Variants in ADCY9 observed in about 807,000 individuals in gnomAD.
The protein encoded by ADCY9 is adenylate cyclase type 9.
Under a neutral mutation model 101.5 loss-of-function variants are expected in ADCY9, and 50 were observed. That is an observed-to-expected ratio of 0.49 (90% CI 0.39 to 0.62). The LOEUF is 0.62. ADCY9 is among the 20% of genes least tolerant of loss of function. The probability of loss-of-function intolerance (pLI) is 0.00; values close to 1 mark genes in which losing one functional copy is unlikely to be tolerated. For missense variants in ADCY9, 1,662 were observed against 1,800.4 expected (o/e 0.92, Z 1.39); for synonymous variants, 905 against 769.3 (o/e 1.18, Z -2.92).
chr16:4,042,292 C>G (rs1158076503), intron 2 of ADCY9, among the ~76,000 whole-genome samples: 2 of 152,010 alleles, frequency 1.3e-5, no homozygotes, highest in Non-Finnish European at 2.9e-5. Context: ...GTCTCAAACT[C>G]TTGGGCTTAA....
Position 3,966,171 on chromosome 16 carries a change from G to A in ADCY9, c.3666C>T (p.Asp1222=), listed in dbSNP as rs957965225. Residue 1222 remains aspartate, a synonymous_variant, in exon 11 of 11, where the codon GAC becomes GAT. Transcript: ENST00000294016. ...CATTCACGGTCCCTCTGTAGTCGAAGTCATAGCCCATCTTGCTCAAGACGC... is the reference window on the plus strand; with the variant it reads ...CATTCACGGTCCCTCTGTAGTCGAAATCATAGCCCATCTTGCTCAAGACGC... ...SYRVLSKMGY[D]FDYRGTVNVK... 3 of 1,614,238 alleles carry A rather than the reference G, an allele frequency of 1.9e-6. No homozygotes were observed. Among genetic ancestry groups the A allele is most frequent in the Non-Finnish European group, 2.5e-6 (3 of 1,180,048 alleles).
At chr16:4,005,423 C>A (rs1162040423) in intron 3 of ADCY9, among the ~76,000 whole-genome samples, 1 of 152,144 alleles carries the variant, frequency 6.6e-6, no homozygotes, top group Non-Finnish European at 1.5e-5. Flanking sequence ...GAGATGATGT[C>A]TTGCTACGAT....
Position 3,977,779 on chromosome 16 carries a change from C to A in ADCY9, c.2680-149G>T, listed in dbSNP as rs142560674. 2,333 of 1,001,782 alleles carry A rather than the reference C, an allele frequency of 2.3e-3. 32 individuals carry two copies. The African/African-American group carries it at 0.03, about 13-fold the overall frequency. 62.1% of individuals were successfully genotyped at this position (1,001,782 alleles called of 1,614,324 possible). A position where few individuals can be genotyped will look rare whatever the true frequency, so the allele number is the denominator to read the frequency against. On this transcript the variant is annotated intron_variant, in intron 8 of 10. Transcript: ENST00000294016. Reference sequence around the variant, plus strand: ...TCGCCCAGGCTGGAGTGCAGTGGTGCAATCTCAGCTCACTGCAACCTCTGC... The same window carrying A: ...TCGCCCAGGCTGGAGTGCAGTGGTGAAATCTCAGCTCACTGCAACCTCTGC...
intron 2 of ADCY9, among the ~76,000 whole-genome samples, chr16:4,047,918 T>A (rs2056676745): frequency 6.6e-6 from 1 of 152,188 alleles, no homozygotes; most frequent in African/African-American, 2.4e-5. Flanking sequence ...CTTACCCAGG[T>A]AGCCACGAAG....
Position 4,114,894 on chromosome 16 carries a change from C to A in ADCY9, c.549G>T (p.Val183=). Residue 183 remains valine (V), a synonymous_variant, in exon 2 of 11, where the codon GTG becomes GTT. Coordinates refer to ENST00000294016, the MANE Select transcript of ADCY9 (RefSeq NM_001116.4). This position sits in a 1 kb window ranked among gnomAD's most constrained non-coding sequence, Gnocchi z 4.3. ...AWTSLALTLL[V]FALTLAAQFQ... is the part of the protein sequence containing the mutation. ...ACTGCGCAGCCAGGGTCAGGGCGAA[C>A]ACCAGCAGGGTGAGAGCCAGCGAGG... 1 of 1,613,836 alleles carries A rather than the reference C, an allele frequency of 6.2e-7. No individual in the cohort carries two copies. The highest frequency in any genetic ancestry group is 8.5e-7 in the Non-Finnish European group (1 of 1,180,038).
intron 2 of ADCY9, among the ~76,000 whole-genome samples, chr16:4,111,935 C>G (rs1207186638): frequency 6.6e-6 from 1 of 151,266 alleles, no homozygotes; most frequent in Non-Finnish European, 1.5e-5. Flanking sequence ...AATAGGTATT[C>G]AATGACTTGG....
At chr16:3,972,712 T>G (rs903796118) in intron 10 of ADCY9, among the ~76,000 whole-genome samples, 1 of 152,108 alleles carries the variant, frequency 6.6e-6, no homozygotes, top group African/African-American at 2.4e-5. Flanking sequence ...GGTTGACACT[T>G]TGGTATATTT....
At chr16:4,085,086 A>G (rs908915332) in intron 2 of ADCY9, among the ~76,000 whole-genome samples, 1 of 152,040 alleles carries the variant, frequency 6.6e-6, no homozygotes, top group African/African-American at 2.4e-5. Context: ...TGGAAGCTGG[A>G]CGCAGTGGCT....
At chr16:3,984,266 G>A (rs1186793583) in intron 6 of ADCY9, 6 of 152,290 alleles carry the variant, frequency 3.9e-5, no homozygotes, top group African/African-American at 1.4e-4. Flanking sequence ...GGAGTCCTAG[G>A]TTCAGCAGGT....
intron 2 of ADCY9, among the ~76,000 whole-genome samples, chr16:4,035,557 T>C (rs1217108335): frequency 6.6e-6 from 1 of 152,162 alleles, no homozygotes; most frequent in Admixed American, 6.5e-5. Context: ...AAAGCCTATA[T>C]GCATGGGAAG....
At chr16:4,094,546 C>G (rs1274876715) in intron 2 of ADCY9, among the ~76,000 whole-genome samples, 1 of 152,048 alleles carries the variant, frequency 6.6e-6, no homozygotes, top group Non-Finnish European at 1.5e-5. Context: ...CGCTGTGGCT[C>G]ACGCCCGTAA....
chr16:4,052,782 C>A (rs1284467143), intron 2 of ADCY9, among the ~76,000 whole-genome samples: 7 of 152,178 alleles, frequency 4.6e-5, no homozygotes, highest in Admixed American at 4.6e-4. Flanking sequence ...TTGAATGTGG[C>A]TTTTTCTACA....
intron 2 of ADCY9, among the ~76,000 whole-genome samples, chr16:4,041,032 A>G (rs907373735): frequency 1.3e-5 from 2 of 152,170 alleles, no homozygotes; most frequent in African/African-American, 4.8e-5. Flanking sequence ...TGGATGGAAA[A>G]GACCACAGGA....
At chr16:4,023,931 C>G (rs2056495834) in intron 2 of ADCY9, among the ~76,000 whole-genome samples, 1 of 152,254 alleles carries the variant, frequency 6.6e-6, no homozygotes, top group East Asian at 1.9e-4. Flanking sequence ...AGGCATCTGA[C>G]TTACATGCTA....
chr16:4,013,019 C>T (rs557524002), intron 2 of ADCY9, among the ~76,000 whole-genome samples: 29 of 152,100 alleles, frequency 1.9e-4, no homozygotes, highest in African/African-American at 6.5e-4. Flanking sequence ...TCGGAGGCCG[C>T]GGCAGGAGGA....
Position 4,097,547 on chromosome 16 carries a change from ATATATATTTT to A in ADCY9, c.1693+16193_1693+16202del, listed in dbSNP as rs1412536982. On this transcript the variant is annotated intron_variant, in intron 2 of 10. Transcript: ENST00000294016. ...TATGTACATATATATATATATATAT[ATATATATTTT>A]TTTTTTTTTTTTTTAAGACAGAGTC... Among the ~76,000 whole-genome samples the A allele has an allele frequency of 5.2e-3, 241 of 46,692 alleles. 10 individuals are homozygous for A. Among genetic ancestry groups the A allele is most frequent in the African/African-American group, 0.031 (232 of 7,400 alleles). 30.6% of individuals were successfully genotyped at this position (46,692 alleles called of 152,430 possible). A position where few individuals can be genotyped will look rare whatever the true frequency, so the allele number is the denominator to read the frequency against.
chr16:4,114,146 TCTC>T lies in ADCY9; in HGVS notation c.1294_1296del (p.Glu432del), dbSNP rs2057131866. ...AGGGTGCTGATTTTCTCACACTTGGTCTCCTCACACAGGCGGTCGAAGCGACCG... is the reference window on the plus strand; with the variant it reads ...AGGGTGCTGATTTTCTCACACTTGGTCTCACACAGGCGGTCGAAGCGACCG... On this transcript the variant is annotated inframe_deletion, in exon 2 of 11. Transcript: ENST00000294016. The surrounding 1 kb of genome is among the most constrained non-coding windows in gnomAD (Gnocchi z 4.3). 6.2e-7 allele frequency: 1 copy of T among 1,613,664 alleles called. No homozygotes were observed.
chr16:4,105,607 G>A (rs116520142), intron 2 of ADCY9, among the ~76,000 whole-genome samples: 2,163 of 151,522 alleles, frequency 0.014, 48 homozygotes, highest in African/African-American at 0.049. Flanking sequence ...TTGCACCCAG[G>A]AGGCAGAGGT....
At chr16:4,008,699 C>A (rs2056383761) in intron 2 of ADCY9, among the ~76,000 whole-genome samples, 2 of 152,034 alleles carry the variant, frequency 1.3e-5, no homozygotes, top group Admixed American at 1.3e-4. Flanking sequence ...AGCCTGTGAG[C>A]AGGCAGGTGT....
Sources: gnomAD v4.1 joint callset for allele counts (sites outside exome capture counted in the v4.1 genomes callset) on GRCh38, gnomAD v4.1.1 for gene constraint, Gnocchi (gnomAD v3.1) non-coding constraint, MANE v1.5 for transcripts, NCBI Gene and HGNC (gene_info 2026-07-23, HGNC 2026-07-21) for gene names.